The following RUNX2 variants were observed in gnomAD, a reference collection of about 807,000 sequenced individuals.
RUNX2 encodes the protein runt-related transcription factor 2.
In RUNX2, 10 loss-of-function variants were observed where a neutral mutation model predicts 51.7. That is an observed-to-expected ratio of 0.19 (90% CI 0.12 to 0.33). The LOEUF (loss-of-function observed/expected upper bound fraction) is 0.33, where lower values mean the gene tolerates loss of function less well. Ranked by LOEUF, RUNX2 falls within the 10% of genes least tolerant of loss-of-function variation. RUNX2 has a pLI of 1.00. For missense variants in RUNX2, 562 were observed against 691.3 expected (o/e 0.81, Z 2.10); for synonymous variants, 276 against 273.6 (o/e 1.01, Z -0.09).
chr6:45,451,722 T>C (rs1799176272), intron 5 of RUNX2, among the ~76,000 whole-genome samples: 1 of 152,236 alleles, frequency 6.6e-6, no homozygotes, highest in Non-Finnish European at 1.5e-5. Context: ...GAAGAACTTC[T>C]TGACTATAAG....
intron 2 of RUNX2, 198 bp from the exon 3 acceptor site, chr6:45,422,395 G>A: frequency 1.7e-6 from 1 of 602,410 alleles, no homozygotes; most frequent in Non-Finnish European, 3.0e-6. Context: ...GCCAGACTCT[G>A]TTGGCCCATC....
chr6:45,533,092 A>G (rs1184510275), intron 7 of RUNX2, among the ~76,000 whole-genome samples: 1 of 151,940 alleles, frequency 6.6e-6, no homozygotes, highest in Non-Finnish European at 1.5e-5. Context: ...GTTTATTACT[A>G]TAGCACCAGG....
intron 8 of RUNX2, among the ~76,000 whole-genome samples, chr6:45,546,402 T>G (rs1802401365): frequency 6.6e-6 from 1 of 152,220 alleles, no homozygotes; most frequent in African/African-American, 2.4e-5. Context: ...TTTTGGAATT[T>G]CTTTATATTG....
chr6:45,532,884 G>A (rs1801905900), intron 7 of RUNX2, among the ~76,000 whole-genome samples: 1 of 150,384 alleles, frequency 6.6e-6, no homozygotes, highest in African/African-American at 2.5e-5. Flanking sequence ...ACGTCCCACA[G>A]CTAGCTAAGC....
At chr6:45,414,051 A>G (rs1039301234) in intron 2 of RUNX2, among the ~76,000 whole-genome samples, 2 of 152,224 alleles carry the variant, frequency 1.3e-5, no homozygotes, top group Non-Finnish European at 2.9e-5. Flanking sequence ...TTAAATAATG[A>G]GGGGATCCAC....
intron 2 of RUNX2, among the ~76,000 whole-genome samples, chr6:45,413,297 T>C (rs942527978): frequency 6.6e-6 from 1 of 152,102 alleles, no homozygotes; most frequent in African/African-American, 2.4e-5. Flanking sequence ...ATCCATATTT[T>C]TGTTGTTAAA....
intron 2 of RUNX2, among the ~76,000 whole-genome samples, chr6:45,412,663 T>G (rs1370415513): frequency 6.6e-6 from 1 of 151,258 alleles, no homozygotes. Context: ...AAAAAAACAG[T>G]TTTTTTCCTA....
intron 2 of RUNX2, among the ~76,000 whole-genome samples, chr6:45,341,229 T>A (rs1024174971): frequency 2.0e-5 from 3 of 152,136 alleles, no homozygotes; most frequent in Admixed American, 6.5e-5. Flanking sequence ...AGGGTAGGAA[T>A]AAAGCTATGA....
In RUNX2 at chr6:45,537,376, A is replaced by G. The variant is rs184930604; in HGVS notation, c.1022-7841A>G. On this transcript the variant is annotated intron_variant, in intron 7 of 8. Coordinates refer to ENST00000647337, the MANE Select transcript of RUNX2 (RefSeq NM_001024630.4). ...TCCCTGCACCTTAGGGGAGACAGTGACAGCAAAGCCCCCACAAGTCTGGGG... is the reference window on the plus strand; with the variant it reads ...TCCCTGCACCTTAGGGGAGACAGTGGCAGCAAAGCCCCCACAAGTCTGGGG... Among the ~76,000 whole-genome samples, 153 of 152,328 alleles carry G rather than the reference A, an allele frequency of 1.0e-3. 1 individual carries two copies. Among genetic ancestry groups the G allele is most frequent in the African/African-American group, 3.6e-3 (151 of 41,558 alleles).
intron 2 of RUNX2, among the ~76,000 whole-genome samples, chr6:45,360,967 A>G (rs1794148321): frequency 6.6e-6 from 1 of 152,132 alleles, no homozygotes; most frequent in South Asian, 2.1e-4. Flanking sequence ...CTGCCATATA[A>G]TAAGGACTCA....
intron 5 of RUNX2, among the ~76,000 whole-genome samples, chr6:45,482,022 A>G (rs1800130792): frequency 6.6e-6 from 1 of 152,244 alleles, no homozygotes; most frequent in Admixed American, 6.5e-5. Context: ...GTCTGAAATG[A>G]GAAAATACCA....
chr6:45,525,119 T>C lies in RUNX2; in HGVS notation c.1021+12712T>C, dbSNP rs1801633057. ...GAGTGAGACTCAGTCTCAAAAGATA[T>C]AGTAGAGAACTGACCTAAAAGATTC... On this transcript the variant is annotated intron_variant, in intron 7 of 8. Coordinates refer to ENST00000647337, the MANE Select transcript of RUNX2 (RefSeq NM_001024630.4). 2.0e-5 allele frequency among the ~76,000 whole-genome samples: 3 copies of C among 152,040 alleles called. No homozygotes were observed. The South Asian group carries it at 6.2e-4, about 32-fold the overall frequency.
chr6:45,527,714 T>C (rs1046847768), intron 7 of RUNX2, among the ~76,000 whole-genome samples: 1 of 152,208 alleles, frequency 6.6e-6, no homozygotes, highest in African/African-American at 2.4e-5. Flanking sequence ...GAAATCCATT[T>C]TGAGATCTGA....
At chr6:45,357,276 G>A (rs940099703) in intron 2 of RUNX2, among the ~76,000 whole-genome samples, 1 of 151,914 alleles carries the variant, frequency 6.6e-6, no homozygotes, top group Non-Finnish European at 1.5e-5. Flanking sequence ...CAAAGTGCTG[G>A]GATTATAGGC....
Position 45,328,749 on chromosome 6 carries a change from G to A in RUNX2, c.23G>A (p.Ser8Asn), listed in dbSNP as rs1786863240. The change falls in exon 2 of 9, where the codon AGC (serine) becomes AAC (asparagine). Residue 8 changes from serine (S) to asparagine (N), a missense_variant. Ser to Asn is a conservative substitution (Grantham distance 46). Around this residue, in one of 5 missense-constraint regions of RUNX2, gnomAD observed 153 missense variants for 144.8 expected, o/e 1.06. Coordinates refer to ENST00000647337, the MANE Select transcript of RUNX2 (RefSeq NM_001024630.4). ...ACTATGGCATCAAACAGCCTCTTCA[G>A]CACAGTGACACCATGTCAGCAAAAC... MASNSLFSTVTPCQQNFF... is the reference protein window; with the variant it reads MASNSLFNTVTPCQQNFF... 1 of 1,611,998 alleles carries A rather than the reference G, an allele frequency of 6.2e-7. No individual in the cohort carries two copies. The highest frequency in any genetic ancestry group is 1.3e-5 in the African/African-American group (1 of 74,770).
intron 2 of RUNX2, among the ~76,000 whole-genome samples, chr6:45,418,067 G>A (rs1452813630): frequency 6.6e-6 from 1 of 152,124 alleles, no homozygotes; most frequent in African/African-American, 2.4e-5. Flanking sequence ...CAAAGCTTTA[G>A]GGATCATCAA....
rs1196892781 is a variant in RUNX2 at position 45,547,031 on chromosome 6, A to G, written c.1292A>G (p.Gln431Arg). Residue 431 changes from glutamine to arginine, a missense_variant, in exon 9 of 9, where the codon CAA (glutamine) becomes CGA (arginine). Coordinates refer to ENST00000647337, the MANE Select transcript of RUNX2 (RefSeq NM_001024630.4). ...YLPPPYPGSS[Q>R]SQSGPFQTSS... is the part of the protein sequence containing the mutation. ...CCACCACCCTACCCCGGCTCTTCCC[A>G]AAGCCAGAGTGGACCCTTCCAGACC... 1.9e-6 allele frequency: 3 copies of G among 1,614,044 alleles called. No individual in the cohort carries two copies. Among genetic ancestry groups the G allele is most frequent in the Admixed American group, 1.7e-5 (1 of 60,014 alleles).
intron 2 of RUNX2, among the ~76,000 whole-genome samples, chr6:45,352,538 A>T (rs1792282180): frequency 6.6e-6 from 1 of 152,176 alleles, no homozygotes; most frequent in South Asian, 2.1e-4. Context: ...TATAAAAATA[A>T]ATCTATAAAT....
intron 5 of RUNX2, among the ~76,000 whole-genome samples, chr6:45,473,476 A>G (rs1183069413): frequency 6.6e-6 from 1 of 152,202 alleles, no homozygotes; most frequent in East Asian, 1.9e-4. Context: ...GAGAATTAAC[A>G]TGTGGTACTC....
Sources: gnomAD v4.1 joint callset for allele counts (sites outside exome capture counted in the v4.1 genomes callset) on GRCh38, gnomAD v4.1.1 for gene constraint, gnomAD v4.1.1 regional missense constraint, MANE v1.5 for transcripts, NCBI Gene and HGNC (gene_info 2026-07-23, HGNC 2026-07-21) for gene names.